The following DLGAP1 variants were observed in gnomAD, a reference collection of about 807,000 sequenced individuals.
The protein encoded by DLGAP1 is DLG associated protein 1, also known as disks large-associated protein 1.
Under a neutral mutation model 90.8 loss-of-function variants are expected in DLGAP1, and 11 were observed. The ratio of observed to expected loss-of-function variants is 0.12; its 90% CI spans 0.08 to 0.20. The LOEUF is 0.20. Ranked by LOEUF, DLGAP1 falls within the 10% of genes least tolerant of loss-of-function variation. The pLI, the probability that DLGAP1 is intolerant of heterozygous loss-of-function variation, is 1.00. For missense variants in DLGAP1, 1,050 were observed against 1,333.8 expected (o/e 0.79, Z 3.31); for synonymous variants, 558 against 540.7 (o/e 1.03, Z -0.44).
At chr18:4,049,741 T>C (rs1358499665) in intron 2 of DLGAP1, among the ~76,000 whole-genome samples, 1 of 152,128 alleles carries the variant, frequency 6.6e-6, no homozygotes, top group Non-Finnish European at 1.5e-5. Flanking sequence ...ATTGTAATCA[T>C]GCGCTTAGAC....
At chr18:4,369,488 T>C (rs1467928564) in intron 1 of DLGAP1, among the ~76,000 whole-genome samples, 1 of 151,986 alleles carries the variant, frequency 6.6e-6, no homozygotes, top group Non-Finnish European at 1.5e-5. Flanking sequence ...TTTAAATAAC[T>C]TAATATTGTC....
intron 5 of DLGAP1, among the ~76,000 whole-genome samples, chr18:3,789,083 A>G (rs1311693777): frequency 6.6e-6 from 1 of 152,250 alleles, no homozygotes; most frequent in Non-Finnish European, 1.5e-5. Flanking sequence ...CAGAAGAAAC[A>G]GATGGATATT....
chr18:3,595,034 G>A (rs994896139), intron 7 of DLGAP1, among the ~76,000 whole-genome samples: 5 of 152,124 alleles, frequency 3.3e-5, no homozygotes, highest in Non-Finnish European at 7.3e-5. Flanking sequence ...TATGTGGCGG[G>A]AAACACCCAC....
At chr18:3,804,331 A>C (rs1333452555) in intron 5 of DLGAP1, among the ~76,000 whole-genome samples, 2 of 152,200 alleles carry the variant, frequency 1.3e-5, no homozygotes, top group Non-Finnish European at 2.9e-5. Flanking sequence ...TGATCATTGA[A>C]GAACACCCTT....
chr18:4,011,307 G>A (rs891131190), intron 2 of DLGAP1, among the ~76,000 whole-genome samples: 1 of 152,116 alleles, frequency 6.6e-6, no homozygotes, highest in Non-Finnish European at 1.5e-5. Context: ...GGAGAGAAAA[G>A]GCTCAAGGGG....
At chr18:3,968,272 T>C (rs2073370824) in intron 3 of DLGAP1, among the ~76,000 whole-genome samples, 1 of 152,182 alleles carries the variant, frequency 6.6e-6, no homozygotes, top group Non-Finnish European at 1.5e-5. Context: ...TACTCTTTCA[T>C]CTTAAAAGGC....
chr18:3,866,694 G>T (rs1287663742), intron 4 of DLGAP1, among the ~76,000 whole-genome samples: 1 of 152,182 alleles, frequency 6.6e-6, no homozygotes, highest in Non-Finnish European at 1.5e-5. Flanking sequence ...ATAAAGAAAG[G>T]CATAATGAGA....
At chr18:4,289,534 G>T (rs2079793509) in intron 1 of DLGAP1, among the ~76,000 whole-genome samples, 1 of 152,074 alleles carries the variant, frequency 6.6e-6, no homozygotes, top group South Asian at 2.1e-4. Context: ...ACCCAAAGTA[G>T]CCAAATTTGA....
chr18:4,320,307 C>T (rs1254074000), intron 1 of DLGAP1, among the ~76,000 whole-genome samples: 2 of 152,140 alleles, frequency 1.3e-5, no homozygotes, highest in Non-Finnish European at 2.9e-5. Context: ...GATGAGTTCC[C>T]TTTTTGTTTC....
intron 5 of DLGAP1, among the ~76,000 whole-genome samples, chr18:3,760,036 G>A (rs1008566387): frequency 1.2e-4 from 19 of 152,198 alleles, no homozygotes; most frequent in African/African-American, 3.4e-4. Flanking sequence ...CTGCTGGTCA[G>A]TTTCTTCATC....
intron 2 of DLGAP1, among the ~76,000 whole-genome samples, chr18:4,095,370 G>C (rs998517640): frequency 1.3e-5 from 2 of 152,186 alleles, no homozygotes; most frequent in African/African-American, 4.8e-5. Context: ...CTTAGGCTTG[G>C]ATGCTTTTAG....
rs111516601 is a variant in DLGAP1 at position 4,116,836 on chromosome 18, T to C, written c.-159+34344A>G. Among the ~76,000 whole-genome samples, 629 of 152,364 alleles carry C rather than the reference T, an allele frequency of 4.1e-3. 3 individuals carry two copies. The highest frequency in any genetic ancestry group is 6.6e-3 in the Non-Finnish European group (450 of 68,044). On this transcript the variant is annotated intron_variant, in intron 2 of 12. Transcript: ENST00000315677. Reference sequence around the variant, plus strand: ...ATGTGTGATGTCATTGTCTGCTAAGTCAATTATTTAGGCTCCTTCAAAAGC... The same window carrying C: ...ATGTGTGATGTCATTGTCTGCTAAGCCAATTATTTAGGCTCCTTCAAAAGC...
intron 7 of DLGAP1, among the ~76,000 whole-genome samples, chr18:3,637,429 G>T (rs1050794145): frequency 1.8e-4 from 27 of 151,806 alleles, no homozygotes; most frequent in African/African-American, 6.1e-4. Context: ...CTACGATTTT[G>T]CTCTTTTAAA....
chr18:4,300,630 T>G (rs1401308916), intron 1 of DLGAP1, among the ~76,000 whole-genome samples: 1 of 152,160 alleles, frequency 6.6e-6, no homozygotes, highest in Non-Finnish European at 1.5e-5. Flanking sequence ...TCACCCCTCT[T>G]TCTGCTTTTA....
At chr18:3,968,813 A>T (rs1330460165) in intron 3 of DLGAP1, among the ~76,000 whole-genome samples, 1 of 152,166 alleles carries the variant, frequency 6.6e-6, no homozygotes, top group Non-Finnish European at 1.5e-5. Context: ...AGGGAGGTTT[A>T]TTTTTTTCTT....
At chr18:3,833,516 T>C (rs1361315885) in intron 4 of DLGAP1, among the ~76,000 whole-genome samples, 3 of 152,200 alleles carry the variant, frequency 2.0e-5, no homozygotes, top group Non-Finnish European at 4.4e-5. Flanking sequence ...ATTACAGGTG[T>C]GAGCCACCGC....
At chr18:4,073,736 A>G (rs1389916016) in intron 2 of DLGAP1, among the ~76,000 whole-genome samples, 1 of 152,188 alleles carries the variant, frequency 6.6e-6, no homozygotes, top group African/African-American at 2.4e-5. Context: ...ATAGAAAAAA[A>G]TTTGACACTG....
rs2075191027 is a variant in DLGAP1 at position 4,054,940 on chromosome 18, T to A, written c.-158-49739A>T. Among the ~76,000 whole-genome samples the A allele has an allele frequency of 2.0e-5, 3 of 152,200 alleles. No individual in the cohort carries two copies. In the South Asian group the frequency reaches 6.2e-4, roughly 32 times the overall value. On this transcript the variant is annotated intron_variant, in intron 2 of 12. Transcript: ENST00000315677. ...ACCAAAACTTTGAATCAAGTTGAGA[T>A]CAAATTTTATGATTTAGATCATCTT...
At chr18:4,394,889 T>G (rs1878234924) in intron 1 of DLGAP1, among the ~76,000 whole-genome samples, 2 of 152,180 alleles carry the variant, frequency 1.3e-5, no homozygotes, top group South Asian at 4.1e-4. Context: ...CCTGCACAAG[T>G]GAACATGAGA....
Sources: allele counts gnomAD v4.1 joint callset (sites outside exome capture counted in the v4.1 genomes callset), GRCh38; gene constraint gnomAD v4.1.1; transcripts MANE v1.5; gene names NCBI Gene and HGNC (gene_info 2026-07-23, HGNC 2026-07-21).